UGGT2: variants seen among roughly 807,000 people sequenced by gnomAD.
The protein encoded by UGGT2 is UDP-glucose:glycoprotein glucosyltransferase 2.
Under a neutral mutation model 192.1 loss-of-function variants are expected in UGGT2, and 180 were observed. The observed-to-expected ratio is 0.94, with a 90% CI of 0.83 to 1.06. The LOEUF (loss-of-function observed/expected upper bound fraction) is 1.06, where lower values mean the gene tolerates loss of function less well. Ranked by LOEUF, UGGT2 falls within the 50% of genes least tolerant of loss-of-function variation. The pLI, the probability that UGGT2 is intolerant of heterozygous loss-of-function variation, is 0.00. For synonymous variants in UGGT2, 580 were observed against 591.0 expected (o/e 0.98, Z 0.27); for missense variants, 1,849 against 1,795.7 (o/e 1.03, Z -0.54).
At chr13:95,910,679 A>T (rs1219360133) in intron 20 of UGGT2, among the ~76,000 whole-genome samples, 1 of 152,150 alleles carries the variant, frequency 6.6e-6, no homozygotes, top group Non-Finnish European at 1.5e-5. Context: ...AGACAGATCA[A>T]CAAGACAAAT....
intron 6 of UGGT2, among the ~76,000 whole-genome samples, chr13:95,998,329 T>C (rs559880204): frequency 6.6e-6 from 1 of 152,228 alleles, no homozygotes. Context: ...TGTAGAGCTA[T>C]ACACAAGCTA....
At chr13:95,931,998 ATG>A (rs1566719394) in intron 17 of UGGT2, among the ~76,000 whole-genome samples, 2 of 151,764 alleles carry the variant, frequency 1.3e-5, no homozygotes, top group East Asian at 1.9e-4. Flanking sequence ...TCTCAATATG[ATG>A]CCTTCAGATT....
intron 36 of UGGT2, among the ~76,000 whole-genome samples, chr13:95,852,756 T>C (rs1421857997): frequency 6.6e-6 from 1 of 152,202 alleles, no homozygotes; most frequent in East Asian, 1.9e-4. Context: ...AGGAAATTGA[T>C]AGGATATTAG....
intron 12 of UGGT2, among the ~76,000 whole-genome samples, chr13:95,955,165 T>C (rs986857163): frequency 6.6e-6 from 1 of 152,196 alleles, no homozygotes; most frequent in Admixed American, 6.5e-5. Context: ...ATTCAACAAA[T>C]CTTTTAAAAA....
At chr13:95,914,254 A>T in intron 20 of UGGT2, among the ~76,000 whole-genome samples, 1 of 152,154 alleles carries the variant, frequency 6.6e-6, no homozygotes, top group Non-Finnish European at 1.5e-5. Context: ...AATAAAAAAA[A>T]AAAAGAAGGC....
chr13:95,858,534 G>A (rs959576377), intron 33 of UGGT2, among the ~76,000 whole-genome samples: 5 of 152,098 alleles, frequency 3.3e-5, no homozygotes, highest in Non-Finnish European at 7.4e-5. Flanking sequence ...CTCACACACT[G>A]TTGCTGGAAG....
intron 30 of UGGT2, among the ~76,000 whole-genome samples, chr13:95,864,149 C>G (rs1890422940): frequency 6.6e-6 from 1 of 152,036 alleles, no homozygotes. Context: ...TTTTTTGTCA[C>G]TTTAAATAAT....
At chr13:96,010,132 C>G (rs2052113207) in intron 5 of UGGT2, among the ~76,000 whole-genome samples, 1 of 152,182 alleles carries the variant, frequency 6.6e-6, no homozygotes, top group African/African-American at 2.4e-5. Context: ...AATCCCATAA[C>G]TGGGTATATA....
chr13:95,857,862 G>T (rs1187306434), intron 33 of UGGT2, among the ~76,000 whole-genome samples: 2 of 152,030 alleles, frequency 1.3e-5, no homozygotes, highest in Admixed American at 6.6e-5. Context: ...CCTGCTAAGA[G>T]AATCTTTAGA....
At chr13:95,929,122 G>A (rs2049152279) in intron 17 of UGGT2, among the ~76,000 whole-genome samples, 1 of 152,180 alleles carries the variant, frequency 6.6e-6, no homozygotes, top group African/African-American at 2.4e-5. Context: ...CAGGGAGGTT[G>A]CAGTGAGCCA....
intron 1 of UGGT2, among the ~76,000 whole-genome samples, chr13:96,047,470 C>T (rs973836475): frequency 6.6e-6 from 1 of 152,148 alleles, no homozygotes; most frequent in Admixed American, 6.5e-5. Context: ...CCCATCTGTA[C>T]GTCACCATCA....
chr13:95,808,044 C>A (rs1195293087), intron 38 of UGGT2, among the ~76,000 whole-genome samples: 1 of 151,976 alleles, frequency 6.6e-6, no homozygotes, highest in African/African-American at 2.4e-5. Flanking sequence ...AGTTTGGGGG[C>A]CGATAGACAC....
chr13:95,904,207 T>C (rs1007017459), intron 20 of UGGT2, among the ~76,000 whole-genome samples: 2 of 152,190 alleles, frequency 1.3e-5, no homozygotes, highest in Admixed American at 6.5e-5. Context: ...GTTCCATTTA[T>C]TGGTATTATA....
chr13:95,929,386 A>G (rs1276298688), intron 17 of UGGT2, among the ~76,000 whole-genome samples: 1 of 152,134 alleles, frequency 6.6e-6, no homozygotes, highest in Non-Finnish European at 1.5e-5. Context: ...GTTATGACTG[A>G]TCCCATTACC....
intron 5 of UGGT2, among the ~76,000 whole-genome samples, chr13:96,011,328 A>T (rs1476148064): frequency 6.6e-6 from 1 of 152,128 alleles, no homozygotes; most frequent in East Asian, 1.9e-4. Context: ...TATGTTTGTA[A>T]ATCATGTATC....
intron 15 of UGGT2, 83 bp from the exon 16 acceptor site, chr13:95,940,174 T>G: frequency 7.1e-6 from 8 of 1,124,350 alleles, no homozygotes; most frequent in Non-Finnish European, 8.4e-6. Context: ...AGATAGATTT[T>G]TATTTTGTAA....
At chr13:95,808,321 G>A (rs1884418862) in intron 38 of UGGT2, among the ~76,000 whole-genome samples, 2 of 152,154 alleles carry the variant, frequency 1.3e-5, no homozygotes, top group African/African-American at 4.8e-5. Context: ...AAGACCAACT[G>A]CATTTGTATA....
intron 12 of UGGT2, among the ~76,000 whole-genome samples, chr13:95,951,334 G>C (rs2050054835): frequency 6.6e-6 from 1 of 152,172 alleles, no homozygotes; most frequent in Non-Finnish European, 1.5e-5. Context: ...TTAGAAGAAA[G>C]AATTAATGAA....
chr13:95,941,906 T>A (rs1334087253), intron 15 of UGGT2, among the ~76,000 whole-genome samples: 1 of 152,226 alleles, frequency 6.6e-6, no homozygotes, highest in Non-Finnish European at 1.5e-5. Flanking sequence ...TTGTTTTGAA[T>A]TTGCATTTAT....
Sources: allele counts gnomAD v4.1 joint callset (sites outside exome capture counted in the v4.1 genomes callset), GRCh38; gene constraint gnomAD v4.1.1; transcripts MANE v1.5; gene names NCBI Gene and HGNC (gene_info 2026-07-23, HGNC 2026-07-21).